ADAMTS18: variants seen among roughly 807,000 people sequenced by gnomAD.
ADAMTS18 encodes the protein A disintegrin and metalloproteinase with thrombospondin motifs 18.
In ADAMTS18, 157 loss-of-function variants were observed where a neutral mutation model predicts 165.9. The ratio of observed to expected loss-of-function variants is 0.95; its 90% CI spans 0.83 to 1.08. The LOEUF (loss-of-function observed/expected upper bound fraction) is 1.08, where lower values mean the gene tolerates loss of function less well. Ranked by LOEUF, ADAMTS18 falls within the 50% of genes least tolerant of loss-of-function variation. The pLI is 0.00. For missense variants in ADAMTS18, 2,040 were observed against 1,534.0 expected, an observed-to-expected ratio of 1.33 and a Z score of -5.51; for synonymous variants, 782 against 578.2, an observed-to-expected ratio of 1.35 and a Z score of -5.06.
intron 19 of ADAMTS18, among the ~76,000 whole-genome samples, chr16:77,293,642 T>C (rs915411788): frequency 2.6e-5 from 4 of 151,662 alleles, no homozygotes; most frequent in African/African-American, 9.7e-5. Flanking sequence ...TCCAATTTCT[T>C]TGGCACCAGG....
At chr16:77,309,530 T>G (rs2055741946) in intron 16 of ADAMTS18, among the ~76,000 whole-genome samples, 1 of 152,180 alleles carries the variant, frequency 6.6e-6, no homozygotes, top group South Asian at 2.1e-4. Context: ...CAGACTGCAT[T>G]TTAAAATTGG....
chr16:77,287,585 C>G, intron 22 of ADAMTS18, among the ~76,000 whole-genome samples: 1 of 152,090 alleles, frequency 6.6e-6, no homozygotes, highest in East Asian at 1.9e-4. Context: ...TCAAGAGATC[C>G]TCCCACCTCC....
At chr16:77,395,953 T>A (rs905290885) in intron 3 of ADAMTS18, among the ~76,000 whole-genome samples, 19 of 152,220 alleles carry the variant, frequency 1.2e-4, no homozygotes, top group Non-Finnish European at 2.2e-4. Context: ...TTTACCACTA[T>A]GAGTCAGGCA....
chr16:77,431,655 T>G lies in ADAMTS18; in HGVS notation c.179-44A>C, dbSNP rs1337318267. On this transcript the variant is annotated intron_variant, in intron 2 of 22. Coordinates refer to ENST00000282849, the MANE Select transcript of ADAMTS18 (RefSeq NM_199355.4). ...AGCTGTCAGCACCCAGAGCCCACAA[T>G]TCCAAATGGTCTCTTTCCAGCAAGC... 3 of 1,598,120 alleles carry G rather than the reference T, an allele frequency of 1.9e-6. No homozygotes were observed. In the African/African-American group the frequency reaches 4.0e-5, roughly 21 times the overall value.
At chr16:77,426,310 T>C (rs560778510) in intron 3 of ADAMTS18, among the ~76,000 whole-genome samples, 71 of 152,270 alleles carry the variant, frequency 4.7e-4, no homozygotes, top group African/African-American at 1.6e-3. Flanking sequence ...TTGATGTTTT[T>C]CATGTCACCA....
chr16:77,322,565 T>C (rs2056022684), intron 13 of ADAMTS18, 99 bp from the exon 14 acceptor site: 1 of 1,442,764 alleles, frequency 6.9e-7, no homozygotes, highest in African/African-American at 1.4e-5. Flanking sequence ...TAGAAAGCTA[T>C]CATGATGAAT....
rs772421984 is a variant in ADAMTS18 at position 77,322,350 on chromosome 16, C to T, written c.2149G>A (p.Asp717Asn). ...CSPNKNDVCIDGVCELVGCDH... is the reference protein window; with the variant it reads ...CSPNKNDVCINGVCELVGCDH... The stretch of plus-strand genomic sequence containing the variant: ...CGTTCTCTTACTTCACAAACCCCGT[C>T]AATACAAACATCATTTTTGTTTGGG... Residue 717 changes from aspartate (D) to asparagine (N), a missense_variant, in exon 14 of 23, where the codon GAC becomes AAC. Coordinates refer to ENST00000282849, the MANE Select transcript of ADAMTS18 (RefSeq NM_199355.4). 3.7e-6 allele frequency: 6 copies of T among 1,613,868 alleles called. No homozygotes were observed. The highest frequency in any genetic ancestry group is 4.2e-6 in the Non-Finnish European group (5 of 1,179,912).
At chr16:77,396,686 T>C (rs566716344) in intron 3 of ADAMTS18, among the ~76,000 whole-genome samples, 3 of 152,214 alleles carry the variant, frequency 2.0e-5, no homozygotes, top group Non-Finnish European at 4.4e-5. Context: ...GATATGGAGA[T>C]TGTTTTGTAA....
chr16:77,355,995 T>C lies in ADAMTS18; in HGVS notation c.1405A>G (p.Asn469Asp). ...NIMSPTLTGNNGVFSWSSCSR... is the reference protein window; with the variant it reads ...NIMSPTLTGNDGVFSWSSCSR... ...CAGGAAGACCATGAAAACACTCCAT[T>C]GTTTCCGGTCAGTGTGGGAGACATG... The change falls in exon 9 of 23, where the codon AAT (asparagine) becomes GAT (aspartate). Residue 469 changes from asparagine (N) to aspartate (D), a missense_variant. Coordinates refer to ENST00000282849, the MANE Select transcript of ADAMTS18 (RefSeq NM_199355.4). 2 of 1,614,112 alleles carry C rather than the reference T, an allele frequency of 1.2e-6. No homozygotes were observed. Among genetic ancestry groups the C allele is most frequent in the Non-Finnish European group, 1.7e-6 (2 of 1,179,994 alleles).
At chr16:77,399,825 C>G (rs1050889851) in intron 3 of ADAMTS18, among the ~76,000 whole-genome samples, 1 of 152,170 alleles carries the variant, frequency 6.6e-6, no homozygotes, top group Non-Finnish European at 1.5e-5. Flanking sequence ...ACCACTCCTA[C>G]TAATGATGAT....
rs1373590851 is a variant in ADAMTS18, at chr16:77,353,821, T to C, written c.1526A>G (p.Lys509Arg). Reference sequence around the variant, plus strand: ...AGCATCATAAATCTGTCCTGGTAGTTTGTCCGGATATTTATACTGTCCTGC... The same window carrying C: ...AGCATCATAAATCTGTCCTGGTAGTCTGTCCGGATATTTATACTGTCCTGC... ...KQAGQYKYPD[K>R]LPGQIYDADT... is the part of the protein sequence containing the mutation. Residue 509 changes from lysine (K) to arginine (R), a missense_variant, in exon 10 of 23, where the codon AAA (lysine) becomes AGA (arginine). Coordinates refer to ENST00000282849, the MANE Select transcript of ADAMTS18 (RefSeq NM_199355.4). The C allele has an allele frequency of 4.3e-6, 7 of 1,614,050 alleles. No individual in the cohort carries two copies. The highest frequency in any genetic ancestry group is 5.9e-6 in the Non-Finnish European group (7 of 1,180,038).
At chr16:77,315,870 C>G (rs1041761841) in intron 16 of ADAMTS18, among the ~76,000 whole-genome samples, 1 of 152,134 alleles carries the variant, frequency 6.6e-6, no homozygotes, top group Non-Finnish European at 1.5e-5. Context: ...CACTCAACCG[C>G]CTACTTGACA....
intron 16 of ADAMTS18, among the ~76,000 whole-genome samples, chr16:77,310,843 G>T (rs1290023629): frequency 6.6e-6 from 1 of 151,938 alleles, no homozygotes; most frequent in Non-Finnish European, 1.5e-5. Flanking sequence ...TCCCAGGCTG[G>T]TCTCAAACAC....
At chr16:77,321,297 A>G in intron 14 of ADAMTS18, 95 bp from the exon 15 acceptor site, 1 of 1,513,848 alleles carries the variant, frequency 6.6e-7, no homozygotes, top group Non-Finnish European at 9.1e-7. Context: ...TATTTACAGA[A>G]CATTAGGGAA....
chr16:77,301,085 A>G (rs921637171), intron 16 of ADAMTS18, among the ~76,000 whole-genome samples: 2 of 152,244 alleles, frequency 1.3e-5, no homozygotes, highest in African/African-American at 2.4e-5. Flanking sequence ...ATTGGAATAC[A>G]TGCATTAGAA....
At position 77,289,898 on chromosome 16, in the gene ADAMTS18, G is replaced by A. The variant is rs905332670; in HGVS notation, c.3403-487C>T. 1.4e-4 allele frequency among the ~76,000 whole-genome samples: 22 copies of A among 152,264 alleles called. No individual in the cohort carries two copies. The East Asian group carries it at 1.7e-3, about 12-fold the overall frequency. On this transcript the variant is annotated intron_variant, in intron 21 of 22. Transcript: ENST00000282849. The stretch of plus-strand genomic sequence containing the variant: ...ATTCTGAGTTGGCATGACAGAGTTG[G>A]TGCTTCTTAGGAGTCGCTGATTTCA...
chr16:77,359,231 G>C (rs1224186568), intron 8 of ADAMTS18, 87 bp downstream of exon 8: 14 of 1,154,530 alleles, frequency 1.2e-5, no homozygotes, highest in East Asian at 2.5e-5. Flanking sequence ...TCTTTGTTCT[G>C]CCTAAGTCAA....
Position 77,300,084 on chromosome 16 carries a change from C to A in ADAMTS18, c.2674+179G>T, listed in dbSNP as rs766274883. On this transcript the variant is annotated intron_variant, in intron 17 of 22. Transcript: ENST00000282849. ...GATTTGAGCTTTGTGAGAGTTGATT[C>A]CTTACCACATAGGAAAACCCTTAAC... 3.5e-4 allele frequency: 239 copies of A among 681,992 alleles called. No individual in the cohort carries two copies. Among genetic ancestry groups the A allele is most frequent in the Non-Finnish European group, 5.2e-4 (213 of 410,194 alleles). The allele number at this position is 681,992 out of a possible 1,614,324, so 42.2% of individuals were successfully genotyped here. A position where few individuals can be genotyped will look rare whatever the true frequency, so the allele number is the denominator to read the frequency against.
At chr16:77,370,992 A>G (rs2056868251) in intron 3 of ADAMTS18, among the ~76,000 whole-genome samples, 1 of 152,180 alleles carries the variant, frequency 6.6e-6, no homozygotes, top group Non-Finnish European at 1.5e-5. Context: ...TTATGCCTAT[A>G]ATCCCAGCAC....
Sources: gnomAD v4.1 joint callset for allele counts (sites outside exome capture counted in the v4.1 genomes callset) on GRCh38, gnomAD v4.1.1 for gene constraint, MANE v1.5 for transcripts, NCBI Gene and HGNC (gene_info 2026-07-23, HGNC 2026-07-21) for gene names.